The following COMMD10 variants were observed in gnomAD, a reference collection of about 807,000 sequenced individuals.
COMMD10 encodes the protein COMM domain containing 10, also known as COMM domain-containing protein 10.
COMMD10 carries 33 observed loss-of-function variants against 28.9 expected under a neutral mutation model. That is an observed-to-expected ratio of 1.14 (90% CI 0.87 to 1.53). The LOEUF (loss-of-function observed/expected upper bound fraction) is 1.53, where lower values mean the gene tolerates loss of function less well. COMMD10 is among the 40% of genes most tolerant of loss of function. COMMD10 has a pLI of 0.00. For synonymous variants in COMMD10, 110 were observed against 81.7 expected, an observed-to-expected ratio of 1.35 and a Z score of -1.87; for missense variants, 310 against 233.4, an observed-to-expected ratio of 1.33 and a Z score of -2.14.
chr5:116,132,296 A>G (rs1011662589), intron 4 of COMMD10, among the ~76,000 whole-genome samples: 1 of 152,174 alleles, frequency 6.6e-6, no homozygotes, highest in Non-Finnish European at 1.5e-5. Context: ...GTAACCCAGA[A>G]AAGTAGGTAG....
chr5:116,149,079 C>T (rs2112548768), intron 5 of COMMD10, among the ~76,000 whole-genome samples: 1 of 145,890 alleles, frequency 6.9e-6, no homozygotes, highest in African/African-American at 2.5e-5. Flanking sequence ...TCAATTCCCA[C>T]CTATGACATA....
At chr5:116,222,268 T>C (rs1749279088) in intron 5 of COMMD10, among the ~76,000 whole-genome samples, 1 of 152,236 alleles carries the variant, frequency 6.6e-6, no homozygotes, top group African/African-American at 2.4e-5. Flanking sequence ...GCAGTCTGTA[T>C]GGACCTTAAC....
intron 2 of COMMD10, among the ~76,000 whole-genome samples, chr5:116,088,160 T>C (rs1750171817): frequency 6.6e-6 from 1 of 152,226 alleles, no homozygotes; most frequent in South Asian, 2.1e-4. Flanking sequence ...TGATTCCATC[T>C]CATATTTATG....
chr5:116,111,011 T>C (rs1317491844), intron 4 of COMMD10, among the ~76,000 whole-genome samples: 3 of 152,156 alleles, frequency 2.0e-5, no homozygotes, highest in Admixed American at 6.5e-5. Flanking sequence ...CTATATCAGG[T>C]TATATGTTTC....
chr5:116,133,235 C>T (rs995954244), intron 4 of COMMD10, among the ~76,000 whole-genome samples: 1 of 152,152 alleles, frequency 6.6e-6, no homozygotes, highest in Non-Finnish European at 1.5e-5. Flanking sequence ...GAAATTAAAT[C>T]TAAAACCTTA....
At chr5:116,240,005 CATAAG>C (rs1749772508) in intron 5 of COMMD10, among the ~76,000 whole-genome samples, 1 of 152,092 alleles carries the variant, frequency 6.6e-6, no homozygotes, top group Non-Finnish European at 1.5e-5. Flanking sequence ...GTTGAGGTGT[CATAAG>C]ATAACGACAC....
chr5:116,199,912 G>A (rs970332708), intron 5 of COMMD10, among the ~76,000 whole-genome samples: 2 of 151,944 alleles, frequency 1.3e-5, no homozygotes, highest in Non-Finnish European at 2.9e-5. Context: ...GATTTCAAAG[G>A]GCACAGAATT....
intron 4 of COMMD10, among the ~76,000 whole-genome samples, chr5:116,130,147 G>A (rs1332423719): frequency 6.6e-6 from 1 of 151,610 alleles, no homozygotes; most frequent in Non-Finnish European, 1.5e-5. Context: ...TACTTTCCTT[G>A]TGCATACTCT....
chr5:116,206,600 C>T (rs1748819392), intron 5 of COMMD10, among the ~76,000 whole-genome samples: 1 of 151,480 alleles, frequency 6.6e-6, no homozygotes, highest in Non-Finnish European at 1.5e-5. Context: ...TGCAGAGAGC[C>T]AAGATAGTGC....
chr5:116,133,963 G>A (rs1023709604), intron 4 of COMMD10, 105 bp from the exon 5 acceptor site: 10 of 693,814 alleles, frequency 1.4e-5, no homozygotes, highest in Non-Finnish European at 2.3e-5. Context: ...TTTCTGTGAA[G>A]CCTAGGCTAT....
intron 4 of COMMD10, among the ~76,000 whole-genome samples, chr5:116,109,898 C>T (rs1750986123): frequency 6.6e-6 from 1 of 152,184 alleles, no homozygotes; most frequent in Non-Finnish European, 1.5e-5. Flanking sequence ...CTAGGACTTC[C>T]AGTACTATGT....
chr5:116,193,069 A>T (rs750202844), intron 5 of COMMD10, among the ~76,000 whole-genome samples: 8 of 152,326 alleles, frequency 5.3e-5, no homozygotes, highest in Non-Finnish European at 8.8e-5. Context: ...GCTAAGCATC[A>T]TATATAAAGG....
chr5:116,268,196 C>G (rs1001901702), intron 5 of COMMD10, among the ~76,000 whole-genome samples: 2 of 151,848 alleles, frequency 1.3e-5, no homozygotes, highest in Non-Finnish European at 2.9e-5. Context: ...TTGCAATCTA[C>G]CCATCTGACA....
intron 5 of COMMD10, among the ~76,000 whole-genome samples, chr5:116,271,739 A>T (rs1288488598): frequency 6.6e-6 from 1 of 151,958 alleles, no homozygotes; most frequent in African/African-American, 2.4e-5. Context: ...AAGACTTGGC[A>T]AACTTTTGTT....
chr5:116,209,102 G>A (rs1748893761), intron 5 of COMMD10, among the ~76,000 whole-genome samples: 1 of 151,830 alleles, frequency 6.6e-6, no homozygotes, highest in Non-Finnish European at 1.5e-5. Context: ...GCCTTTTAAA[G>A]CGATACGTTT....
At position 116,256,702 on chromosome 5, in the gene COMMD10, C is replaced by T. The variant is rs534932418; in HGVS notation, c.511-34815C>T. 1.3e-4 allele frequency among the ~76,000 whole-genome samples: 19 copies of T among 151,830 alleles called. No homozygotes were observed. In the East Asian group the frequency reaches 2.1e-3, roughly 17 times the overall value. Reference sequence around the variant, plus strand: ...TGTTGGGATGGGACCCAAGTCTTAACGTGAATTCATTTATTTTTTATGTAT... The same window carrying T: ...TGTTGGGATGGGACCCAAGTCTTAATGTGAATTCATTTATTTTTTATGTAT... On this transcript the variant is annotated intron_variant, in intron 5 of 6. Coordinates refer to ENST00000274458, the MANE Select transcript of COMMD10 (RefSeq NM_016144.4).
intron 4 of COMMD10, among the ~76,000 whole-genome samples, chr5:116,113,857 T>G (rs1751140011): frequency 6.6e-6 from 1 of 152,144 alleles, no homozygotes; most frequent in Non-Finnish European, 1.5e-5. Context: ...GCCATGCGTT[T>G]TCATGTTTCT....
At chr5:116,144,654 G>C (rs1256623191) in intron 5 of COMMD10, among the ~76,000 whole-genome samples, 1 of 151,816 alleles carries the variant, frequency 6.6e-6, no homozygotes, top group African/African-American at 2.4e-5. Flanking sequence ...GGTCAGAAAA[G>C]AGAAGAATGG....
intron 5 of COMMD10, among the ~76,000 whole-genome samples, chr5:116,271,737 G>A (rs771731167): frequency 2.0e-5 from 3 of 151,822 alleles, no homozygotes; most frequent in Non-Finnish European, 4.4e-5. Flanking sequence ...ACAAGACTTG[G>A]CAAACTTTTG....
Sources: gnomAD v4.1 joint callset for allele counts (sites outside exome capture counted in the v4.1 genomes callset) on GRCh38, gnomAD v4.1.1 for gene constraint, MANE v1.5 for transcripts, NCBI Gene and HGNC (gene_info 2026-07-23, HGNC 2026-07-21) for gene names.